Variants in SEPTIN9 observed in about 807,000 individuals in gnomAD.
SEPTIN9 encodes the protein septin 9.
A neutral mutation model predicts 56.6 loss-of-function variants in SEPTIN9; 13 were observed. The observed-to-expected ratio is 0.23, with a 90% confidence interval of 0.15 to 0.37. SEPTIN9 has a LOEUF of 0.37. SEPTIN9 is among the 10% of genes least tolerant of loss of function. SEPTIN9 has a pLI of 1.00. For missense variants in SEPTIN9, 650 were observed against 823.1 expected, an observed-to-expected ratio of 0.79 and a Z score of 2.57; for synonymous variants, 332 against 334.1, an observed-to-expected ratio of 0.99 and a Z score of 0.07.
At chr17:77,282,783 G>C (rs1049797265) in intron 1 of SEPTIN9, among the ~76,000 whole-genome samples, 10 of 152,212 alleles carry the variant, frequency 6.6e-5, no homozygotes, top group Non-Finnish European at 7.3e-5. Context: ...GCGGGAGCGG[G>C]CTTCCAGGTG....
chr17:77,373,198 C>A, intron 2 of SEPTIN9: 1 of 1,089,532 alleles, frequency 9.2e-7, no homozygotes, highest in Non-Finnish European at 1.1e-6. Context: ...CCCCCCAGGC[C>A]TGGCCTTGAC....
At chr17:77,430,954 G>A (rs1598362385) in intron 3 of SEPTIN9, among the ~76,000 whole-genome samples, 1 of 151,324 alleles carries the variant, frequency 6.6e-6, no homozygotes, top group African/African-American at 2.4e-5. Context: ...CTGTGCTACT[G>A]CACTCCAGCC....
intron 1 of SEPTIN9, chr17:77,281,857 G>A: frequency 2.3e-6 from 1 of 436,094 alleles, no homozygotes. Context: ...GGTCGGCCGG[G>A]TGCTTTGGGT....
intron 2 of SEPTIN9, among the ~76,000 whole-genome samples, chr17:77,360,815 C>T (rs369684106): frequency 2.0e-5 from 3 of 151,946 alleles, no homozygotes; most frequent in African/African-American, 4.8e-5. Flanking sequence ...CTGCCCTCCT[C>T]GGCCTCCCAA....
intron 2 of SEPTIN9, chr17:77,320,378 G>T: frequency 6.3e-7 from 1 of 1,582,264 alleles, no homozygotes; most frequent in South Asian, 1.1e-5. Flanking sequence ...CCCATCGGCC[G>T]CCCCCCACTG....
intron 2 of SEPTIN9, among the ~76,000 whole-genome samples, chr17:77,314,071 C>T (rs1451000009): frequency 6.6e-6 from 1 of 152,036 alleles, no homozygotes; most frequent in Non-Finnish European, 1.5e-5. Flanking sequence ...CGTGGTGGTA[C>T]AGCCCTGTAG....
intron 1 of SEPTIN9, among the ~76,000 whole-genome samples, chr17:77,287,333 A>G (rs2031325927): frequency 6.6e-6 from 1 of 152,178 alleles, no homozygotes; most frequent in Non-Finnish European, 1.5e-5. Context: ...CTGATGTGAC[A>G]GTTGTGCCTG....
intron 2 of SEPTIN9, among the ~76,000 whole-genome samples, chr17:77,338,369 G>A (rs1225452226): frequency 6.6e-6 from 1 of 152,102 alleles, no homozygotes; most frequent in Non-Finnish European, 1.5e-5. Flanking sequence ...ACCAGGTGGT[G>A]GTTGCTGAAA....
At position 77,449,158 on chromosome 17, in the gene SEPTIN9, AG is replaced by A. The variant is rs2037871885; in HGVS notation, c.722-32983del. 1.3e-5 allele frequency among the ~76,000 whole-genome samples: 2 copies of A among 152,126 alleles called. No individual in the cohort carries two copies. Among genetic ancestry groups the A allele is most frequent in the Admixed American group, 1.3e-4 (2 of 15,278 alleles). ...GTGGCCCATGTGCCGTTTCTGCTGG[AG>A]GGTTGGACCGAGGGCCAGCCGAGAA... On this transcript the variant is annotated intron_variant, in intron 3 of 11. Coordinates refer to ENST00000427177, the MANE Select transcript of SEPTIN9 (RefSeq NM_001113491.2). This position sits in a 1 kb window ranked among gnomAD's most constrained non-coding sequence, Gnocchi z 4.6.
chr17:77,484,991 A>ATGTGGGTGG (rs2039671047), intron 4 of SEPTIN9, among the ~76,000 whole-genome samples: 1 of 1,356 alleles, frequency 7.4e-4, no homozygotes, highest in Non-Finnish European at 1.1e-3. Context: ...GGTGATTGTG[A>ATGTGGGTGG]TGGTGGTGAA....
intron 3 of SEPTIN9, among the ~76,000 whole-genome samples, chr17:77,407,992 C>T (rs1244400175): frequency 6.6e-6 from 1 of 152,002 alleles, no homozygotes; most frequent in South Asian, 2.1e-4. Flanking sequence ...AGTTACCCCC[C>T]TCCGGCTCCT....
At chr17:77,373,116 G>A (rs1166804914) in intron 2 of SEPTIN9, 2 of 889,124 alleles carry the variant, frequency 2.2e-6, no homozygotes, top group Admixed American at 5.9e-5. Flanking sequence ...CTGGGCGCGG[G>A]CCAGGCGGGG....
At chr17:77,300,277 G>A (rs1254327064) in intron 1 of SEPTIN9, among the ~76,000 whole-genome samples, 1 of 152,142 alleles carries the variant, frequency 6.6e-6, no homozygotes, top group East Asian at 1.9e-4. Context: ...CTTCTACAGT[G>A]TTTATTCTCC....
chr17:77,382,899 C>G (rs1365811538), intron 2 of SEPTIN9, among the ~76,000 whole-genome samples: 3 of 152,106 alleles, frequency 2.0e-5, no homozygotes, highest in Admixed American at 6.5e-5. Context: ...GGTTGCTGCT[C>G]TCAGACCCCT....
intron 2 of SEPTIN9, among the ~76,000 whole-genome samples, chr17:77,350,509 C>A (rs965510760): frequency 2.6e-5 from 4 of 152,142 alleles, no homozygotes; most frequent in Admixed American, 1.3e-4. Context: ...TGTCTTCTTC[C>A]AGTAACGCAG....
rs370265937 is a variant in SEPTIN9 at position 77,492,090 on chromosome 17, G to A, written c.1381-531G>A. ...GGTGTCAGGGACCTTCCCAGCATGT[G>A]CAGGGGAAGACAGTCCACACAAAGT... On this transcript the variant is annotated intron_variant, in intron 8 of 11. Transcript: ENST00000427177. The surrounding 1 kb of genome is among the most constrained non-coding windows in gnomAD (Gnocchi z 5.4). Among the ~76,000 whole-genome samples the A allele has an allele frequency of 1.1e-4, 17 of 152,316 alleles. No individual in the cohort carries two copies. The highest frequency in any genetic ancestry group is 4.1e-4 in the African/African-American group (17 of 41,560).
intron 3 of SEPTIN9, among the ~76,000 whole-genome samples, chr17:77,419,131 G>A (rs1377714762): frequency 6.6e-6 from 1 of 152,192 alleles, no homozygotes; most frequent in East Asian, 1.9e-4. Context: ...GAGAGAGACT[G>A]GAGACCCTGT....
rs1311857834 is a variant in SEPTIN9 at position 77,475,705 on chromosome 17, G to A, written c.722-6439G>A. On this transcript the variant is annotated intron_variant, in intron 3 of 11. Coordinates refer to ENST00000427177, the MANE Select transcript of SEPTIN9 (RefSeq NM_001113491.2). The surrounding 1 kb of genome is among the most constrained non-coding windows in gnomAD (Gnocchi z 4.6). ...GCTGGGCCGGGGTGGATGGAGGCAAGGAAGTCTTCGCCGGGGCAAGGGCAC... is the reference window on the plus strand; with the variant it reads ...GCTGGGCCGGGGTGGATGGAGGCAAAGAAGTCTTCGCCGGGGCAAGGGCAC... The A allele has an allele frequency of 6.2e-7, 1 of 1,613,516 alleles. No homozygotes were observed. Among genetic ancestry groups the A allele is most frequent in the Non-Finnish European group, 8.5e-7 (1 of 1,179,872 alleles).
At chr17:77,395,076 T>A (rs901935000) in intron 2 of SEPTIN9, among the ~76,000 whole-genome samples, 1 of 151,724 alleles carries the variant, frequency 6.6e-6, no homozygotes, top group African/African-American at 2.4e-5. Context: ...GTGTGTGTTT[T>A]TTTTTTTTTA....
Sources: gnomAD v4.1 joint callset for allele counts (sites outside exome capture counted in the v4.1 genomes callset) on GRCh38, gnomAD v4.1.1 for gene constraint, Gnocchi (gnomAD v3.1) non-coding constraint, MANE v1.5 for transcripts, NCBI Gene and HGNC (gene_info 2026-07-23, HGNC 2026-07-21) for gene names.